Variants in ATP2B3 observed in about 807,000 individuals in gnomAD.
ATP2B3 encodes plasma membrane calcium-transporting ATPase 3.
ATP2B3 carries 12 observed loss-of-function variants against 70.8 expected under a neutral mutation model. The observed-to-expected ratio is 0.17, with a 90% confidence interval of 0.11 to 0.27. The LOEUF is 0.27. Among genes scored for constraint, ATP2B3 ranks in the 10% least tolerant of loss-of-function variants. The probability of loss-of-function intolerance (pLI) is 1.00; values close to 1 mark genes in which losing one functional copy is unlikely to be tolerated. For synonymous variants in ATP2B3, 460 were observed against 497.8 expected, an observed-to-expected ratio of 0.92 and a Z score of 1.01; for missense variants, 858 against 1,118.5, an observed-to-expected ratio of 0.77 and a Z score of 3.32.
intron 2 of ATP2B3, among the ~76,000 whole-genome samples, chrX:153,530,574 C>T (rs1360563858): frequency 2.7e-5 from 3 of 112,557 alleles, no homozygotes; most frequent in Non-Finnish European, 3.8e-5. Context: ...CGGCACCCGG[C>T]GCCGGACAGG....
At chrX:153,576,433 G>T (rs374454347) in intron 21 of ATP2B3, among the ~76,000 whole-genome samples, 8 of 112,089 alleles carry the variant, frequency 7.1e-5, no homozygotes, top group African/African-American at 1.9e-4. Context: ...TTTGGCCAGA[G>T]CCCTGCACTG....
intron 2 of ATP2B3, among the ~76,000 whole-genome samples, chrX:153,534,734 C>T (rs1170111037): frequency 8.8e-6 from 1 of 113,172 alleles, no homozygotes; most frequent in Non-Finnish European, 1.9e-5. Flanking sequence ...CCCACATCTC[C>T]CAGAAGTGAA....
intron 21 of ATP2B3, among the ~76,000 whole-genome samples, chrX:153,573,143 CG>C (rs1362280452): frequency 2.7e-5 from 3 of 112,533 alleles, no homozygotes; most frequent in East Asian, 5.6e-4. Flanking sequence ...ATGTGGCCAC[CG>C]GGGGTCCCTC....
chrX:153,531,863 A>G (rs1877782772), intron 2 of ATP2B3, among the ~76,000 whole-genome samples: 1 of 112,206 alleles, frequency 8.9e-6, no homozygotes, highest in South Asian at 3.7e-4. Flanking sequence ...AATGGCGTGA[A>G]TCCCGATGCG....
chrX:153,541,344 C>CG lies in ATP2B3; in HGVS notation c.209-11dup. 2 of 1,211,585 alleles carry CG rather than the reference C, an allele frequency of 1.7e-6. No homozygotes were observed. Among genetic ancestry groups the CG allele is most frequent in the Non-Finnish European group, 1.1e-6 (1 of 895,301 alleles). ...ATCCCATCCTCCCCTTCTGTGCTTC[C>CG]GGGGCACCATGCAGGCCTGGCGGAC... On this transcript the variant is annotated splice_polypyrimidine_tract_variant and intron_variant, in intron 3 of 21. Transcript: ENST00000263519.
At chrX:153,572,330 C>T (rs1349605895) in intron 21 of ATP2B3, among the ~76,000 whole-genome samples, 1 of 113,021 alleles carries the variant, frequency 8.8e-6, no homozygotes, top group Non-Finnish European at 1.9e-5. Context: ...CCAGGCCAGG[C>T]TGCCTTTCAG....
At chrX:153,529,468 G>T (rs1362625762) in intron 2 of ATP2B3, among the ~76,000 whole-genome samples, 1 of 111,996 alleles carries the variant, frequency 8.9e-6, no homozygotes, top group African/African-American at 3.2e-5. Context: ...TGTGGCTTGG[G>T]CACCACGGGA....
chrX:153,575,732 G>C (rs782534412), intron 21 of ATP2B3, among the ~76,000 whole-genome samples: 1,333 of 112,435 alleles, frequency 0.012, 9 homozygotes, highest in Non-Finnish European at 0.018. Flanking sequence ...TAGCCGACAG[G>C]TGGAATGGAA....
chrX:153,546,037 C>A, intron 7 of ATP2B3, 51 bp from the exon 8 acceptor site: 1 of 1,199,084 alleles, frequency 8.3e-7, no homozygotes, highest in South Asian at 1.8e-5. Context: ...CACGCGGCCC[C>A]CAGGCTGGTG....
intron 20 of ATP2B3, 105 bp from the exon 21 acceptor site, chrX:153,564,816 T>A (rs2090678745): frequency 2.3e-6 from 2 of 860,543 alleles, no homozygotes; most frequent in East Asian, 7.2e-5. Flanking sequence ...ACAAATGACA[T>A]CCTTTGGAAG....
At chrX:153,572,908 G>A (rs1461856041) in intron 21 of ATP2B3, among the ~76,000 whole-genome samples, 2 of 112,435 alleles carry the variant, frequency 1.8e-5, no homozygotes, top group East Asian at 2.8e-4. Flanking sequence ...GGGAGGGTGC[G>A]CGATCATTTG....
At chrX:153,576,791 C>T (rs1336079412) in intron 21 of ATP2B3, among the ~76,000 whole-genome samples, 1 of 111,534 alleles carries the variant, frequency 9.0e-6, no homozygotes, top group Non-Finnish European at 1.9e-5. Context: ...AGGAGGGCAT[C>T]CTTGAGCACC....
chrX:153,539,486 C>A (rs2090247230), intron 3 of ATP2B3, among the ~76,000 whole-genome samples: 1 of 113,326 alleles, frequency 8.8e-6, no homozygotes, highest in African/African-American at 3.2e-5. Flanking sequence ...TCCTCAGAAG[C>A]CCCAAGGTTA....
At chrX:153,578,538 G>A (rs141979964) in intron 21 of ATP2B3, among the ~76,000 whole-genome samples, 187 of 112,721 alleles carry the variant, frequency 1.7e-3, no homozygotes, top group Non-Finnish European at 2.8e-3. Context: ...ACTTGAGTGC[G>A]TGAGGCAAGG....
intron 12 of ATP2B3, among the ~76,000 whole-genome samples, chrX:153,552,314 G>A (rs782333711): frequency 8.0e-5 from 9 of 111,984 alleles, no homozygotes; most frequent in Non-Finnish European, 1.1e-4. Context: ...GAGGCTCTCC[G>A]TCCACACAGC....
intron 2 of ATP2B3, among the ~76,000 whole-genome samples, chrX:153,533,584 T>C (rs1197984235): frequency 9.1e-6 from 1 of 110,013 alleles, no homozygotes; most frequent in East Asian, 2.9e-4. Flanking sequence ...GACCAGTTGC[T>C]GGACTAGAGA....
At chrX:153,545,706 C>T (rs782346739) in intron 7 of ATP2B3, among the ~76,000 whole-genome samples, 1 of 112,368 alleles carries the variant, frequency 8.9e-6, no homozygotes, top group African/African-American at 3.2e-5. Context: ...GTCTGCCTGG[C>T]TTCCAGGGGT....
chrX:153,523,081 G>A (rs2089980944), intron 2 of ATP2B3, among the ~76,000 whole-genome samples: 1 of 111,786 alleles, frequency 8.9e-6, no homozygotes, highest in Admixed American at 9.5e-5. Context: ...GCTCAATTGT[G>A]TAATCTGTTT....
intron 13 of ATP2B3, among the ~76,000 whole-genome samples, chrX:153,554,344 A>G (rs782148360): frequency 4.8e-4 from 54 of 113,338 alleles, no homozygotes; most frequent in Non-Finnish European, 9.0e-4. Context: ...GCAAGGCCAC[A>G]CTTGGGGACA....
Sources: allele counts gnomAD v4.1 joint callset (sites outside exome capture counted in the v4.1 genomes callset), GRCh38; gene constraint gnomAD v4.1.1; transcripts MANE v1.5; gene names NCBI Gene and HGNC (gene_info 2026-07-23, HGNC 2026-07-21).